Variants in SOX5 observed in about 807,000 individuals in gnomAD.
SOX5 encodes the protein SRY-box transcription factor 5, also known as transcription factor SOX-5.
In SOX5, 9 loss-of-function variants were observed where a neutral mutation model predicts 92.0. That is an observed-to-expected ratio of 0.10 (90% CI 0.06 to 0.17). The LOEUF (loss-of-function observed/expected upper bound fraction) is 0.17, where lower values mean the gene tolerates loss of function less well. Ranked by LOEUF, SOX5 falls within the 10% of genes least tolerant of loss-of-function variation. SOX5 has a pLI of 1.00. For synonymous variants in SOX5, 344 were observed against 336.3 expected (o/e 1.02, Z -0.25); for missense variants, 642 against 944.5 (o/e 0.68, Z 4.20).
In SOX5 at chr12:23,896,125, T is replaced by C. The variant is rs2097175377; in HGVS notation, c.39-101A>G. ...CCATTGTAACAGAAATGCCTTTTTGTGCTAGCAGAGAGCAGGAAACCATCC... is the reference window on the plus strand; with the variant it reads ...CCATTGTAACAGAAATGCCTTTTTGCGCTAGCAGAGAGCAGGAAACCATCC... On this transcript the variant is annotated intron_variant, in intron 1 of 14. Coordinates refer to ENST00000451604, the MANE Select transcript of SOX5 (RefSeq NM_006940.6). 8 of 794,918 alleles carry C rather than the reference T, an allele frequency of 1.0e-5. 1 individual carries two copies. In the South Asian group the frequency reaches 1.1e-4, roughly 11 times the overall value. The allele number at this position is 794,918 out of a possible 1,614,324, so 49.2% of individuals were successfully genotyped here.
chr12:24,380,548 G>A (rs1371387752), intron 1 of SOX5, among the ~76,000 whole-genome samples: 4 of 152,164 alleles, frequency 2.6e-5, no homozygotes, highest in Non-Finnish European at 4.4e-5. Context: ...CAGAAGTTTT[G>A]TGATATTTTA....
intron 2 of SOX5, among the ~76,000 whole-genome samples, chr12:24,326,005 T>C (rs1469209925): frequency 6.6e-6 from 1 of 152,174 alleles, no homozygotes; most frequent in Non-Finnish European, 1.5e-5. Flanking sequence ...GTTCAAGCAT[T>C]TACTCATTCT....
chr12:23,688,926 T>TA (rs1342987784), intron 6 of SOX5, among the ~76,000 whole-genome samples: 3 of 152,210 alleles, frequency 2.0e-5, no homozygotes, highest in Admixed American at 6.5e-5. Flanking sequence ...ATATCCTTTC[T>TA]AAAAAAAGAT....
intron 1 of SOX5, among the ~76,000 whole-genome samples, chr12:24,524,877 C>T (rs1236868534): frequency 6.6e-6 from 1 of 152,096 alleles, no homozygotes; most frequent in Non-Finnish European, 1.5e-5. Context: ...ATTAAATCGG[C>T]TGGGCCTGGT....
At chr12:24,490,910 C>A (rs1947000527) in intron 1 of SOX5, among the ~76,000 whole-genome samples, 1 of 151,982 alleles carries the variant, frequency 6.6e-6, no homozygotes, top group Non-Finnish European at 1.5e-5. Flanking sequence ...TGATATCACC[C>A]CCTCAGAAAG....
At chr12:24,016,177 A>C (rs1416891090) in intron 4 of SOX5, among the ~76,000 whole-genome samples, 1 of 152,192 alleles carries the variant, frequency 6.6e-6, no homozygotes, top group Non-Finnish European at 1.5e-5. Flanking sequence ...TAGTGACAGG[A>C]GGTACCTACC....
In SOX5 at chr12:24,140,864, G is replaced by C. The variant is rs530584592; in HGVS notation, c.-2+72479C>G. Among the ~76,000 whole-genome samples, 279 of 152,240 alleles carry C rather than the reference G, an allele frequency of 1.8e-3. 1 individual carries two copies. Among genetic ancestry groups the C allele is most frequent in the Middle Eastern group, 3.4e-3 (1 of 294 alleles). On this transcript the variant is annotated intron_variant, in intron 4 of 4. Coordinates refer to the SOX5 transcript ENST00000446891. ...AATTGCTCAATAAAAACTGAAGTTA[G>C]CTTCAGGTTTTCAATTAAATTTACA... is the stretch of plus-strand genomic sequence containing the variant.
At chr12:23,611,369 CGT>C (rs3030241) in intron 8 of SOX5, among the ~76,000 whole-genome samples, 22,449 of 136,660 alleles carry the variant, frequency 0.16, 1,751 homozygotes, top group Admixed American at 0.27. Context: ...TGTGTGTGTG[CGT>C]GTGTGTGTGT....
At chr12:23,881,056 G>A (rs944025367) in intron 2 of SOX5, among the ~76,000 whole-genome samples, 5 of 152,194 alleles carry the variant, frequency 3.3e-5, no homozygotes, top group South Asian at 2.1e-4. Context: ...GCCTATAGAG[G>A]GGTGGGGAAA....
At chr12:24,514,105 C>T (rs1414081898) in intron 1 of SOX5, among the ~76,000 whole-genome samples, 1 of 152,204 alleles carries the variant, frequency 6.6e-6, no homozygotes, top group African/African-American at 2.4e-5. Flanking sequence ...TCAAATTTAA[C>T]AACAGGGCCT....
chr12:23,536,556 G>T lies in SOX5; in HGVS notation c.1885C>A (p.Pro629Thr). 6.2e-7 allele frequency: 1 copy of T among 1,614,164 alleles called. No individual in the cohort carries two copies. Residue 629 changes from proline (P) to threonine (T), a missense_variant, in exon 14 of 15, where the codon CCA becomes ACA. Physicochemically the swap from Pro to Thr is conservative, Grantham distance 38. This residue lies in a region of SOX5 where 21 missense variants were observed against 52.3 expected (regional missense o/e 0.40). Transcript: ENST00000451604. ...KYPDYKYKPR[P>T]KRTCLVDGKK... ...CCATCCACCAGGCAGGTGCGCTTTG[G>T]CCTGGGCTTGTACTTATAGTCAGGG...
At chr12:23,571,971 G>A (rs1327998093) in intron 10 of SOX5, among the ~76,000 whole-genome samples, 3 of 152,116 alleles carry the variant, frequency 2.0e-5, no homozygotes, top group African/African-American at 7.2e-5. Flanking sequence ...TTCGATATAG[G>A]TGGAAAAAGC....
At chr12:24,560,689 G>A (rs1954249363) in intron 1 of SOX5, among the ~76,000 whole-genome samples, 1 of 152,070 alleles carries the variant, frequency 6.6e-6, no homozygotes, top group South Asian at 2.1e-4. Flanking sequence ...TTCTGTAAAG[G>A]CTCTAAGAAA....
At chr12:24,009,112 G>A (rs979868901) in intron 4 of SOX5, among the ~76,000 whole-genome samples, 2 of 152,168 alleles carry the variant, frequency 1.3e-5, no homozygotes, top group Admixed American at 1.3e-4. Flanking sequence ...CCATATAAGC[G>A]AAGAAGCTAT....
In SOX5 at chr12:23,797,050, C is replaced by T. The variant is rs557658521; in HGVS notation, c.482-41326G>A. Reference sequence around the variant, plus strand: ...AATCAAAACACGAGTCCATCTCCAACGTAAAATCTGAAAAAAACACAGCTT... The same window carrying T: ...AATCAAAACACGAGTCCATCTCCAATGTAAAATCTGAAAAAAACACAGCTT... On this transcript the variant is annotated intron_variant, in intron 3 of 14. Transcript: ENST00000451604. Among the ~76,000 whole-genome samples the T allele has an allele frequency of 4.0e-5, 6 of 151,420 alleles. No individual in the cohort carries two copies. In the East Asian group the frequency reaches 5.8e-4, roughly 15 times the overall value.
At chr12:24,106,658 G>A (rs547327652) in intron 4 of SOX5, among the ~76,000 whole-genome samples, 4 of 151,888 alleles carry the variant, frequency 2.6e-5, no homozygotes, top group African/African-American at 9.7e-5. Context: ...TGGGTATGGT[G>A]GTGAGTGCCT....
At chr12:24,273,062 G>A (rs767784715) in intron 3 of SOX5, among the ~76,000 whole-genome samples, 4 of 152,104 alleles carry the variant, frequency 2.6e-5, no homozygotes, top group East Asian at 1.9e-4. Context: ...GTAAAACCCC[G>A]TCTCTACTAA....
At chr12:24,430,974 A>G (rs1345102467) in intron 1 of SOX5, among the ~76,000 whole-genome samples, 2 of 152,182 alleles carry the variant, frequency 1.3e-5, no homozygotes, top group Admixed American at 6.5e-5. Flanking sequence ...CACTTTCCAT[A>G]TTGGAATGTA....
At chr12:23,825,930 T>G (rs909335414) in intron 3 of SOX5, among the ~76,000 whole-genome samples, 8 of 152,346 alleles carry the variant, frequency 5.3e-5, no homozygotes, top group African/African-American at 1.9e-4. Flanking sequence ...TAACTAATAT[T>G]CTTTATTAAC....
Sources: gnomAD v4.1 joint callset for allele counts (sites outside exome capture counted in the v4.1 genomes callset) on GRCh38, gnomAD v4.1.1 for gene constraint, gnomAD v4.1.1 regional missense constraint, MANE v1.5 for transcripts, NCBI Gene and HGNC (gene_info 2026-07-23, HGNC 2026-07-21) for gene names.